KIF1A: variants seen among roughly 807,000 people sequenced by gnomAD.
The protein encoded by KIF1A is kinesin family member 1A, also known as kinesin-like protein KIF1A.
KIF1A carries 46 observed loss-of-function variants against 227.3 expected under a neutral mutation model. The ratio of observed to expected loss-of-function variants is 0.20; its 90% CI spans 0.16 to 0.26. KIF1A has a LOEUF of 0.26. Ranked by LOEUF, KIF1A falls within the 10% of genes least tolerant of loss-of-function variation. The pLI, the probability that KIF1A is intolerant of heterozygous loss-of-function variation, is 1.00. For missense variants in KIF1A, 1,683 were observed against 2,485.9 expected (o/e 0.68, Z 6.87); for synonymous variants, 1,022 against 1,012.8 (o/e 1.01, Z -0.17).
At chr2:240,784,848 G>GT (rs1467122365) in intron 7 of KIF1A, 141 bp downstream of exon 7, 5 of 679,182 alleles carry the variant, frequency 7.4e-6, no homozygotes, top group Non-Finnish European at 1.3e-5. Flanking sequence ...TGGTGCCAGT[G>GT]TAAGTGTGAG....
At chr2:240,770,898 G>C (rs2051872165) in intron 15 of KIF1A, 73 bp downstream of exon 15, 2 of 1,551,250 alleles carry the variant, frequency 1.3e-6, no homozygotes, top group African/African-American at 1.4e-5. Flanking sequence ...AGGAGGGCAG[G>C]GTGCCTCTCT....
chr2:240,787,198 A>G, intron 5 of KIF1A, 53 bp downstream of exon 5: 1 of 1,427,778 alleles, frequency 7.0e-7, no homozygotes, highest in Non-Finnish European at 9.9e-7. Flanking sequence ...ACTGCCAGCC[A>G]CACCAGATTC....
In KIF1A at chr2:240,746,079, C is replaced by A; in HGVS notation, c.3162G>T (p.Val1054=). Residue 1054 remains valine (V), a synonymous_variant, in exon 30 of 49, where the codon GTG becomes GTT. Coordinates refer to ENST00000498729, the MANE Select transcript of KIF1A (RefSeq NM_001244008.2). Reference sequence around the variant, plus strand: ...TGTTGACTTCATCGGCTGAGGGCCCCACGTCTGCACCCTGGCCCTGGCCCT... The same window carrying A: ...TGTTGACTTCATCGGCTGAGGGCCCAACGTCTGCACCCTGGCCCTGGCCCT... The part of the protein sequence containing the change: ...IVEGQGQGAD[V]GPSADEVNNN... 6.3e-7 allele frequency: 1 copy of A among 1,599,098 alleles called. No homozygotes were observed. Among genetic ancestry groups the A allele is most frequent in the South Asian group, 1.1e-5 (1 of 88,378 alleles).
intron 13 of KIF1A, 116 bp downstream of exon 13, chr2:240,772,998 G>A (rs2052210911): frequency 1.7e-6 from 2 of 1,154,448 alleles, no homozygotes; most frequent in Admixed American, 4.8e-5. Context: ...AGCTGCCACA[G>A]CCCAGGGTGC....
Position 240,716,808 on chromosome 2 carries a change from C to A in KIF1A, c.*556G>T, listed in dbSNP as rs1437443065. 1 of 152,672 alleles carries A rather than the reference C, an allele frequency of 6.5e-6. No homozygotes were observed. Among genetic ancestry groups the A allele is most frequent in the South Asian group, 2.1e-4 (1 of 4,848 alleles). The allele number at this position is 152,672 out of a possible 1,614,324, so 9.5% of individuals were successfully genotyped here. On this transcript the variant is annotated 3_prime_UTR_variant, in exon 49 of 49. Coordinates refer to ENST00000498729, the MANE Select transcript of KIF1A (RefSeq NM_001244008.2). ...CACCCGTGTGCTAGCCCCAAGGTGC[C>A]CCACTGGTCCAGACAGCTCCTCACT...
chr2:240,729,840 C>A (rs1173348329), intron 38 of KIF1A, among the ~76,000 whole-genome samples: 1 of 152,220 alleles, frequency 6.6e-6, no homozygotes, highest in Non-Finnish European at 1.5e-5. Context: ...GGGATGGGCC[C>A]TTTCCAGACC....
At position 240,818,420 on chromosome 2, in the gene KIF1A, C is replaced by G. The variant is rs562759790; in HGVS notation, c.-61+1702G>C. ...TCCTGGGTCTTGACTCCAACCACCC[C>G]ATCAACCAAACAAGGAACCCCTCTA... is the stretch of plus-strand genomic sequence containing the variant. On this transcript the variant is annotated intron_variant, in intron 1 of 48. Coordinates refer to ENST00000498729, the MANE Select transcript of KIF1A (RefSeq NM_001244008.2). Among the ~76,000 whole-genome samples, 14 of 152,316 alleles carry G rather than the reference C, an allele frequency of 9.2e-5. No individual in the cohort carries two copies. In the East Asian group the frequency reaches 2.5e-3, roughly 27 times the overall value.
chr2:240,718,030 C>A lies in KIF1A; in HGVS notation c.5333+20G>T. On this transcript the variant is annotated intron_variant, in intron 48 of 48. Transcript: ENST00000498729. ...GGCAGGACCCCCATGGCAGCAACCT[C>A]GCCCTGCAGGCGGCCCTACCGTATG... is the stretch of plus-strand genomic sequence containing the variant. 6.5e-7 allele frequency: 1 copy of A among 1,535,446 alleles called. No individual in the cohort carries two copies.
chr2:240,777,684 T>A (rs2052939391), intron 10 of KIF1A, among the ~76,000 whole-genome samples: 1 of 152,188 alleles, frequency 6.6e-6, no homozygotes, highest in South Asian at 2.1e-4. Flanking sequence ...GCAGACACTG[T>A]GAGCCCCGCT....
intron 19 of KIF1A, 84 bp from the exon 20 acceptor site, chr2:240,765,877 T>C: frequency 2.1e-6 from 2 of 950,928 alleles, no homozygotes; most frequent in South Asian, 2.7e-5. Context: ...CCCCCGGGCA[T>C]GGCCTCTTCC....
chr2:240,745,536 G>T lies in KIF1A; in HGVS notation c.3375-19C>A. 6.3e-7 allele frequency: 1 copy of T among 1,594,464 alleles called. No individual in the cohort carries two copies. The highest frequency in any genetic ancestry group is 8.6e-7 in the Non-Finnish European group (1 of 1,166,082). ...GATGAAGCTGCAAAGCAGAGGAGAT[G>T]CTTTGGTGTGGGGTGGGGGACTTGG... On this transcript the variant is annotated intron_variant, in intron 31 of 48. Transcript: ENST00000498729.
At chr2:240,777,905 C>A (rs915061390) in intron 10 of KIF1A, among the ~76,000 whole-genome samples, 1 of 152,232 alleles carries the variant, frequency 6.6e-6, no homozygotes, top group African/African-American at 2.4e-5. Flanking sequence ...CACTTTCCCT[C>A]CCAGTCCCTC....
chr2:240,734,808 G>C, intron 38 of KIF1A: 1 of 1,243,734 alleles, frequency 8.0e-7, no homozygotes, highest in African/African-American at 1.5e-5. Flanking sequence ...AGCGGGGTGG[G>C]GGACAGGCAG....
chr2:240,719,072 C>T lies in KIF1A; in HGVS notation c.5148G>A (p.Glu1716=), dbSNP rs1445315403. The part of the protein sequence containing the change: ...YMYNSDKDTV[E]RFVLNLATAQ... ...CAGTGGCCAGGTTGAGCACGAACCG[C>T]TCCACGGTGTCCTTGTCGCTGTTGT... is the stretch of plus-strand genomic sequence containing the variant. Residue 1716 remains glutamate (E), a synonymous_variant, in exon 47 of 49, where the codon GAG becomes GAA. Transcript: ENST00000498729. 20 of 1,612,370 alleles carry T rather than the reference C, an allele frequency of 1.2e-5. No individual in the cohort carries two copies. The highest frequency in any genetic ancestry group is 1.6e-5 in the Non-Finnish European group (19 of 1,179,722).
chr2:240,763,133 G>A (rs374140712), intron 21 of KIF1A, 33 bp downstream of exon 21: 1,055 of 1,602,932 alleles, frequency 6.6e-4, no homozygotes, highest in Non-Finnish European at 8.3e-4. Flanking sequence ...GGCAGGAGGG[G>A]CAGCAGGCAG....
At chr2:240,801,584 C>G (rs985668397) in intron 1 of KIF1A, among the ~76,000 whole-genome samples, 1 of 152,184 alleles carries the variant, frequency 6.6e-6, no homozygotes, top group African/African-American at 2.4e-5. Context: ...TTTGTGTCCC[C>G]TGTTCCCATC....
At chr2:240,729,504 T>G (rs959020776) in intron 38 of KIF1A, among the ~76,000 whole-genome samples, 1 of 152,184 alleles carries the variant, frequency 6.6e-6, no homozygotes, top group African/African-American at 2.4e-5. Flanking sequence ...CCTTGGCCCC[T>G]GAGTGGGACA....
In KIF1A at chr2:240,741,329, C is replaced by A; in HGVS notation, c.3689G>T (p.Cys1230Phe). 1.9e-6 allele frequency: 3 copies of A among 1,598,808 alleles called. No homozygotes were observed. Among genetic ancestry groups the A allele is most frequent in the Non-Finnish European group, 2.6e-6 (3 of 1,175,686 alleles). Residue 1230 changes from cysteine to phenylalanine, a missense_variant, in exon 35 of 49, where the codon TGC becomes TTC. Physicochemically the swap from Cys to Phe is radical, Grantham distance 205. This residue lies in a region of KIF1A where 759 missense variants were observed against 1,020.2 expected (regional missense o/e 0.74). Coordinates refer to ENST00000498729, the MANE Select transcript of KIF1A (RefSeq NM_001244008.2). ...GACCAGCAGGTCGTACTTGCAGTGG[C>A]AGGGTCCCGGACAGGGCCGCGTCAG... ...STLTRPCPGP[C>F]HCKYDLLVYF...
At chr2:240,819,307 C>G (rs889021350) in intron 1 of KIF1A, among the ~76,000 whole-genome samples, 24 of 152,204 alleles carry the variant, frequency 1.6e-4, no homozygotes, top group African/African-American at 5.8e-4. Flanking sequence ...CCAGCCTAGA[C>G]CCTGCGGCCC....
Sources: gnomAD v4.1 joint callset for allele counts (sites outside exome capture counted in the v4.1 genomes callset) on GRCh38, gnomAD v4.1.1 for gene constraint, gnomAD v4.1.1 regional missense constraint, MANE v1.5 for transcripts, NCBI Gene and HGNC (gene_info 2026-07-23, HGNC 2026-07-21) for gene names.